COL22A1: variants seen among roughly 807,000 people sequenced by gnomAD.
COL22A1 encodes the protein collagen alpha-1(XXII) chain.
In COL22A1, 221 loss-of-function variants were observed where a neutral mutation model predicts 248.9. The ratio of observed to expected loss-of-function variants is 0.89; its 90% CI spans 0.80 to 0.99. The LOEUF (loss-of-function observed/expected upper bound fraction) is 0.99, where lower values mean the gene tolerates loss of function less well. Among genes scored for constraint, COL22A1 ranks in the 50% least tolerant of loss-of-function variants. The pLI is 0.00. For synonymous variants in COL22A1, 891 were observed against 793.4 expected (o/e 1.12, Z -2.07); for missense variants, 2,240 against 2,179.0 (o/e 1.03, Z -0.56).
intron 37 of COL22A1, among the ~76,000 whole-genome samples, chr8:138,685,843 T>C (rs1826307716): frequency 6.6e-6 from 1 of 152,266 alleles, no homozygotes; most frequent in African/African-American, 2.4e-5. Context: ...CAGTTCATGA[T>C]ACTTTGTTAC....
chr8:138,787,528 A>G (rs1170798673), intron 12 of COL22A1, among the ~76,000 whole-genome samples: 2 of 152,212 alleles, frequency 1.3e-5, no homozygotes, highest in Non-Finnish European at 2.9e-5. Context: ...CTTCGTATAC[A>G]AAGAAATTCA....
At chr8:138,676,474 A>G (rs370006800) in intron 41 of COL22A1, 84 bp downstream of exon 41, 9 of 646,110 alleles carry the variant, frequency 1.4e-5, no homozygotes, top group Non-Finnish European at 2.3e-5. Context: ...AGAAAGAAAG[A>G]AAAGAGTGTT....
intron 54 of COL22A1, 110 bp downstream of exon 54, chr8:138,616,804 C>T (rs1819359054): frequency 1.6e-6 from 2 of 1,255,876 alleles, no homozygotes; most frequent in South Asian, 1.2e-5. Context: ...TGCTCCACGT[C>T]CTCTCTCGGG....
At chr8:138,856,925 T>A (rs1586900517) in intron 3 of COL22A1, among the ~76,000 whole-genome samples, 1 of 152,166 alleles carries the variant, frequency 6.6e-6, no homozygotes. Flanking sequence ...CCTGCCCTTT[T>A]GGTGTGCCTG....
intron 22 of COL22A1, among the ~76,000 whole-genome samples, chr8:138,741,707 A>C (rs1831572461): frequency 1.3e-5 from 2 of 152,206 alleles, no homozygotes; most frequent in Admixed American, 6.5e-5. Context: ...CTGTGTGTCA[A>C]ACAGATCTGG....
At chr8:138,854,272 G>C (rs561640156) in intron 3 of COL22A1, among the ~76,000 whole-genome samples, 2 of 152,184 alleles carry the variant, frequency 1.3e-5, no homozygotes, top group Non-Finnish European at 2.9e-5. Flanking sequence ...CATCTGCTGG[G>C]ACATGACCAC....
Position 138,606,401 on chromosome 8 carries a change from G to A in COL22A1, c.4084C>T (p.Leu1362=). ...ENGSPGLPGF[L]GPRGPPGEPG... ...CTTACCGGAGGCCCACGGGGACCCA[G>A]GAAGCCAGGAAGTCCTGGGCTGCCA... Residue 1362 remains leucine, a synonymous_variant, in exon 58 of 65, where the codon CTG becomes TTG. Transcript: ENST00000303045. 6.2e-7 allele frequency: 1 copy of A among 1,613,326 alleles called. No individual in the cohort carries two copies. Among genetic ancestry groups the A allele is most frequent in the Non-Finnish European group, 8.5e-7 (1 of 1,179,818 alleles).
intron 3 of COL22A1, among the ~76,000 whole-genome samples, chr8:138,845,419 G>A (rs1821172711): frequency 6.6e-6 from 1 of 152,094 alleles, no homozygotes; most frequent in Non-Finnish European, 1.5e-5. Context: ...TGAGGCAGGA[G>A]AATCGCTTGA....
intron 6 of COL22A1, among the ~76,000 whole-genome samples, chr8:138,822,210 C>T (rs1004348981): frequency 2.4e-4 from 36 of 152,090 alleles, no homozygotes; most frequent in South Asian, 2.1e-4. Flanking sequence ...CCACCACACT[C>T]ACCTAATTTT....
chr8:138,762,599 C>T (rs1350462660), intron 16 of COL22A1, 133 bp from the exon 17 acceptor site: 2 of 643,804 alleles, frequency 3.1e-6, no homozygotes, highest in East Asian at 5.9e-5. Context: ...CACACACACA[C>T]ACACACACAC....
chr8:138,751,403 A>G (rs1832586760), intron 22 of COL22A1, 55 bp downstream of exon 22: 1 of 1,262,648 alleles, frequency 7.9e-7, no homozygotes, highest in Non-Finnish European at 1.1e-6. Flanking sequence ...GCATTATAAA[A>G]TAGGGACCAG....
intron 52 of COL22A1, 64 bp downstream of exon 52, chr8:138,623,668 G>T (rs1321187014): frequency 3.7e-5 from 52 of 1,398,902 alleles, no homozygotes; most frequent in Non-Finnish European, 5.1e-5. Context: ...CTCACACAAA[G>T]TAGTTGTTTT....
At chr8:138,595,389 G>A (rs1194848330) in intron 62 of COL22A1, among the ~76,000 whole-genome samples, 2 of 152,034 alleles carry the variant, frequency 1.3e-5, no homozygotes, top group East Asian at 3.9e-4. Context: ...ATTTTGAAAC[G>A]GCTCTTGTCT....
At chr8:138,856,591 T>TGAGA (rs148698442) in intron 3 of COL22A1, among the ~76,000 whole-genome samples, 125 of 105,902 alleles carry the variant, frequency 1.2e-3, no homozygotes, top group Middle Eastern at 5.7e-3. Context: ...ACAGAGGCAG[T>TGAGA]GAGAGAGAGA....
At chr8:138,819,250 C>T (rs1237286083) in intron 7 of COL22A1, among the ~76,000 whole-genome samples, 1 of 152,082 alleles carries the variant, frequency 6.6e-6, no homozygotes, top group East Asian at 1.9e-4. Context: ...TTATGTTTGA[C>T]AGACCAGGAA....
intron 46 of COL22A1, 94 bp downstream of exon 46, chr8:138,649,570 TG>T: frequency 6.5e-7 from 1 of 1,532,412 alleles, no homozygotes. Context: ...CCTCAAACCC[TG>T]AACACCTTCA....
chr8:138,609,576 A>G (rs1818697151), intron 56 of COL22A1, among the ~76,000 whole-genome samples: 1 of 152,190 alleles, frequency 6.6e-6, no homozygotes, highest in African/African-American at 2.4e-5. Context: ...CCCTTCCGCG[A>G]ACGCTGCATA....
At chr8:138,593,270 A>G (rs1474364593) in intron 63 of COL22A1, among the ~76,000 whole-genome samples, 6 of 152,092 alleles carry the variant, frequency 3.9e-5, no homozygotes, top group Non-Finnish European at 4.4e-5. Flanking sequence ...TAATGCATGC[A>G]GGGCTTTAAA....
At chr8:138,741,000 A>G (rs1831514186) in intron 22 of COL22A1, among the ~76,000 whole-genome samples, 2 of 152,108 alleles carry the variant, frequency 1.3e-5, no homozygotes, top group South Asian at 2.1e-4. Flanking sequence ...GAGCTGTTTG[A>G]TTTGGAGATT....
Sources: gnomAD v4.1 joint callset for allele counts (sites outside exome capture counted in the v4.1 genomes callset) on GRCh38, gnomAD v4.1.1 for gene constraint, MANE v1.5 for transcripts, NCBI Gene and HGNC (gene_info 2026-07-23, HGNC 2026-07-21) for gene names.